Variants in PTPRM observed in about 807,000 individuals in gnomAD.
PTPRM encodes receptor-type tyrosine-protein phosphatase mu.
A neutral mutation model predicts 186.7 loss-of-function variants in PTPRM; 47 were observed. The observed-to-expected ratio is 0.25, with a 90% confidence interval of 0.20 to 0.32. PTPRM has a LOEUF of 0.32. PTPRM is among the 10% of genes least tolerant of loss of function. PTPRM has a pLI of 1.00. For synonymous variants in PTPRM, 668 were observed against 674.9 expected, an observed-to-expected ratio of 0.99 and a Z score of 0.16; for missense variants, 1,494 against 1,865.0, an observed-to-expected ratio of 0.80 and a Z score of 3.66.
chr18:8,004,014 C>T (rs886361514), intron 7 of PTPRM, among the ~76,000 whole-genome samples: 4 of 152,164 alleles, frequency 2.6e-5, no homozygotes, highest in African/African-American at 9.7e-5. Context: ...CCAGTGTTGA[C>T]TATGTGGAAA....
intron 14 of PTPRM, among the ~76,000 whole-genome samples, chr18:8,194,660 T>C (rs2093752073): frequency 6.6e-6 from 1 of 152,252 alleles, no homozygotes; most frequent in Admixed American, 6.5e-5. Context: ...GGAAATAACA[T>C]GAGCAGCACA....
intron 23 of PTPRM, among the ~76,000 whole-genome samples, chr18:8,350,600 G>A (rs969652194): frequency 1.3e-5 from 2 of 152,128 alleles, no homozygotes; most frequent in Admixed American, 1.3e-4. Context: ...CATTCCATGT[G>A]TCAGTGCTGC....
At chr18:7,601,584 C>T (rs1435442386) in intron 1 of PTPRM, among the ~76,000 whole-genome samples, 3 of 152,356 alleles carry the variant, frequency 2.0e-5, no homozygotes, top group African/African-American at 4.8e-5. Flanking sequence ...GTCTTCACAT[C>T]ACCTTCTCCT....
intron 2 of PTPRM, among the ~76,000 whole-genome samples, chr18:7,827,177 A>G (rs2045529263): frequency 1.3e-5 from 2 of 152,196 alleles, no homozygotes; most frequent in Admixed American, 1.3e-4. Flanking sequence ...GAGCAAAGTA[A>G]AATAAACATA....
chr18:7,733,099 G>A (rs953332241), intron 1 of PTPRM, among the ~76,000 whole-genome samples: 6 of 152,084 alleles, frequency 3.9e-5, no homozygotes, highest in African/African-American at 7.2e-5. Context: ...TTTAAGTTCC[G>A]GGATACATGT....
At chr18:8,078,719 A>G (rs778934717) in intron 9 of PTPRM, among the ~76,000 whole-genome samples, 1 of 152,216 alleles carries the variant, frequency 6.6e-6, no homozygotes, top group Non-Finnish European at 1.5e-5. Flanking sequence ...AGACCGTACA[A>G]GCATGGCACT....
chr18:7,824,255 A>G (rs2045362175), intron 2 of PTPRM, among the ~76,000 whole-genome samples: 1 of 152,096 alleles, frequency 6.6e-6, no homozygotes, highest in South Asian at 2.1e-4. Context: ...TTGGGACATC[A>G]CTGTTCAGAG....
At position 8,216,196 on chromosome 18, in the gene PTPRM, C is replaced by CT. The variant is rs58820414; in HGVS notation, c.2301-27856dup. Reference sequence around the variant, plus strand: ...TTTCTAACCCCGGTTCTCTCTCTCTCTTTTTTCTTTTTCTTTAACGTTTTT... The same window carrying CT: ...TTTCTAACCCCGGTTCTCTCTCTCTCTTTTTTTCTTTTTCTTTAACGTTTTT... On this transcript the variant is annotated intron_variant, in intron 14 of 32. Transcript: ENST00000580170. Among the ~76,000 whole-genome samples, 7 of 152,228 alleles carry CT rather than the reference C, an allele frequency of 4.6e-5. No homozygotes were observed. The South Asian group carries it at 1.2e-3, about 27-fold the overall frequency.
chr18:7,982,805 G>A (rs2082630628), intron 7 of PTPRM, among the ~76,000 whole-genome samples: 1 of 152,040 alleles, frequency 6.6e-6, no homozygotes, highest in Admixed American at 6.6e-5. Context: ...CCTATGGGAT[G>A]ACAGTGATAT....
chr18:7,944,122 T>TCTA (rs1414192203), intron 5 of PTPRM, among the ~76,000 whole-genome samples: 3 of 152,216 alleles, frequency 2.0e-5, no homozygotes, highest in Non-Finnish European at 4.4e-5. Flanking sequence ...ATTTTTCTCT[T>TCTA]CTACCCCTGG....
intron 31 of PTPRM, among the ~76,000 whole-genome samples, chr18:8,392,556 G>A (rs1373047830): frequency 6.6e-6 from 1 of 152,050 alleles, no homozygotes; most frequent in Admixed American, 6.5e-5. Flanking sequence ...GAACCCAGGA[G>A]GCAGAGCTTG....
chr18:7,831,672 T>C (rs1454410673), intron 2 of PTPRM, among the ~76,000 whole-genome samples: 1 of 152,210 alleles, frequency 6.6e-6, no homozygotes, highest in African/African-American at 2.4e-5. Context: ...TACTATTGAC[T>C]GTAGTCACAC....
chr18:8,019,247 CAAGTTACCT>C (rs1274256879), intron 7 of PTPRM, among the ~76,000 whole-genome samples: 4 of 152,168 alleles, frequency 2.6e-5, no homozygotes, highest in African/African-American at 9.7e-5. Flanking sequence ...TGACTTTGGG[CAAGTTACCT>C]AATTTGATGA....
chr18:8,144,830 A>G (rs937421237), intron 14 of PTPRM, among the ~76,000 whole-genome samples: 5 of 152,186 alleles, frequency 3.3e-5, no homozygotes, highest in Non-Finnish European at 5.9e-5. Flanking sequence ...AAGTTTCCCA[A>G]ATTGAGGGAA....
intron 14 of PTPRM, among the ~76,000 whole-genome samples, chr18:8,179,731 G>T (rs1311904448): frequency 6.6e-6 from 1 of 151,884 alleles, no homozygotes; most frequent in Non-Finnish European, 1.5e-5. Context: ...GCTTCCTAAA[G>T]TGCTGGGATT....
chr18:7,930,301 C>T (rs2051409419), intron 5 of PTPRM, among the ~76,000 whole-genome samples: 1 of 152,110 alleles, frequency 6.6e-6, no homozygotes, highest in African/African-American at 2.4e-5. Flanking sequence ...AACTCATGGG[C>T]TCAAGCAATC....
At chr18:7,673,422 A>G (rs1479054324) in intron 1 of PTPRM, among the ~76,000 whole-genome samples, 2 of 152,242 alleles carry the variant, frequency 1.3e-5, no homozygotes, top group African/African-American at 2.4e-5. Flanking sequence ...AATAAGAAAT[A>G]TAGGAGATAG....
intron 2 of PTPRM, among the ~76,000 whole-genome samples, chr18:7,883,477 G>A (rs974679338): frequency 6.6e-6 from 1 of 152,154 alleles, no homozygotes; most frequent in African/African-American, 2.4e-5. Flanking sequence ...TGATAAAAAC[G>A]AACTAAGAAG....
intron 14 of PTPRM, among the ~76,000 whole-genome samples, chr18:8,225,459 CT>C (rs1158307741): frequency 1.3e-5 from 2 of 152,070 alleles, no homozygotes; most frequent in East Asian, 3.9e-4. Flanking sequence ...CTTAGCTCAT[CT>C]TCTGTATTGT....
Sources: gnomAD v4.1 joint callset for allele counts (sites outside exome capture counted in the v4.1 genomes callset) on GRCh38, gnomAD v4.1.1 for gene constraint, MANE v1.5 for transcripts, NCBI Gene and HGNC (gene_info 2026-07-23, HGNC 2026-07-21) for gene names.